RERE: variants seen among roughly 807,000 people sequenced by gnomAD.
RERE encodes the protein arginine-glutamic acid dipeptide repeats protein.
In RERE, 40 loss-of-function variants were observed where a neutral mutation model predicts 146.1. The observed-to-expected ratio is 0.27, with a 90% CI of 0.21 to 0.36. The LOEUF (loss-of-function observed/expected upper bound fraction) is 0.36. Among genes scored for constraint, RERE ranks in the 10% least tolerant of loss-of-function variants. The pLI, the probability that RERE is intolerant of heterozygous loss-of-function variation, is 1.00. For synonymous variants in RERE, 1,003 were observed against 866.0 expected (o/e 1.16, Z -2.78); for missense variants, 1,933 against 2,138.7 (o/e 0.90, Z 1.90).
At position 8,459,283 on chromosome 1, in the gene RERE, T is replaced by C. The variant is rs955372593; in HGVS notation, c.1203+6642A>G. On this transcript the variant is annotated intron_variant, in intron 11 of 22. Coordinates refer to ENST00000400908, the MANE Select transcript of RERE (RefSeq NM_001042681.2). Reference sequence around the variant, plus strand: ...TATAGGTCACATTAAGAATACATAATATGGAGTAATATGTACATACGTGTA... The same window carrying C: ...TATAGGTCACATTAAGAATACATAACATGGAGTAATATGTACATACGTGTA... Among the ~76,000 whole-genome samples, 29 of 152,334 alleles carry C rather than the reference T, an allele frequency of 1.9e-4. 1 individual carries two copies. The highest frequency in any genetic ancestry group is 7.0e-4 in the African/African-American group (29 of 41,580).
intron 12 of RERE, among the ~76,000 whole-genome samples, chr1:8,367,399 G>A (rs1641852733): frequency 6.6e-6 from 1 of 152,158 alleles, no homozygotes; most frequent in Admixed American, 6.5e-5. Flanking sequence ...GTAAGAAGTG[G>A]GACCACGGCT....
chr1:8,365,795 C>T lies in RERE; in HGVS notation c.1447+17G>A, dbSNP rs373817488. On this transcript the variant is annotated intron_variant, in intron 13 of 22. Coordinates refer to ENST00000400908, the MANE Select transcript of RERE (RefSeq NM_001042681.2). Reference sequence around the variant, plus strand: ...AGTCTCCCCTCCGCCCACTGTGATGCCAAGACCCCTACTCACAGAATTCAC... The same window carrying T: ...AGTCTCCCCTCCGCCCACTGTGATGTCAAGACCCCTACTCACAGAATTCAC... 29 of 1,613,510 alleles carry T rather than the reference C, an allele frequency of 1.8e-5. No individual in the cohort carries two copies. The highest frequency in any genetic ancestry group is 2.4e-5 in the Non-Finnish European group (28 of 1,179,604).
intron 1 of RERE, among the ~76,000 whole-genome samples, chr1:8,740,995 C>T (rs968964321): frequency 1.3e-5 from 2 of 152,188 alleles, no homozygotes; most frequent in African/African-American, 4.8e-5. Context: ...TCAAGTATTA[C>T]GTACTGTCCA....
intron 3 of RERE, among the ~76,000 whole-genome samples, chr1:8,617,565 A>T (rs1180127736): frequency 6.6e-6 from 1 of 152,200 alleles, no homozygotes; most frequent in African/African-American, 2.4e-5. Flanking sequence ...TATATGGTAC[A>T]AGCCAAGAAA....
At chr1:8,362,323 T>C (rs1158544388) in intron 16 of RERE, among the ~76,000 whole-genome samples, 4 of 152,200 alleles carry the variant, frequency 2.6e-5, no homozygotes, top group Admixed American at 2.6e-4. Context: ...TATATGAGAT[T>C]TGAGCACCTG....
chr1:8,374,275 A>T (rs1211561486), intron 12 of RERE, among the ~76,000 whole-genome samples: 1 of 152,166 alleles, frequency 6.6e-6, no homozygotes, highest in Non-Finnish European at 1.5e-5. Context: ...TGTGGCTTTA[A>T]CTTGTAAATA....
chr1:8,390,424 G>A lies in RERE; in HGVS notation c.1285-24450C>T, dbSNP rs1054845068. On this transcript the variant is annotated intron_variant, in intron 12 of 22. Transcript: ENST00000400908. The stretch of plus-strand genomic sequence containing the variant: ...TGCTCTTTTTGATCCTCTTCTCCAG[G>A]GTAGGCTCTTCCCCTGCCCACTAAT... Among the ~76,000 whole-genome samples, 16 of 152,222 alleles carry A rather than the reference G, an allele frequency of 1.1e-4. 1 individual carries two copies. The South Asian group carries it at 3.3e-3, about 32-fold the overall frequency.
At chr1:8,437,519 AAG>A (rs1644186941) in intron 11 of RERE, among the ~76,000 whole-genome samples, 1 of 151,834 alleles carries the variant, frequency 6.6e-6, no homozygotes, top group African/African-American at 2.4e-5. Flanking sequence ...TGTGACTTTC[AAG>A]AGAGTCCCCC....
intron 1 of RERE, among the ~76,000 whole-genome samples, chr1:8,772,351 A>T (rs923653557): frequency 1.3e-5 from 2 of 152,182 alleles, no homozygotes; most frequent in Admixed American, 6.6e-5. Context: ...CATCATTCTA[A>T]GTAAAATCTT....
intron 1 of RERE, among the ~76,000 whole-genome samples, chr1:8,687,223 G>A (rs1346263876): frequency 6.6e-6 from 1 of 152,058 alleles, no homozygotes; most frequent in Non-Finnish European, 1.5e-5. Flanking sequence ...TATGTGAGAG[G>A]GCACGGGTGG....
At chr1:8,408,117 C>A (rs912787796) in intron 12 of RERE, among the ~76,000 whole-genome samples, 1 of 151,980 alleles carries the variant, frequency 6.6e-6, no homozygotes, top group Admixed American at 6.5e-5. Flanking sequence ...CTCTCTCTGC[C>A]ACAAAAGCCT....
At chr1:8,461,396 C>G (rs1322571610) in intron 11 of RERE, among the ~76,000 whole-genome samples, 1 of 152,114 alleles carries the variant, frequency 6.6e-6, no homozygotes, top group Non-Finnish European at 1.5e-5. Context: ...CTTACCCATA[C>G]CTTGGTATTT....
intron 12 of RERE, among the ~76,000 whole-genome samples, chr1:8,386,357 C>T (rs1233518866): frequency 1.3e-5 from 2 of 151,048 alleles, no homozygotes; most frequent in East Asian, 4.0e-4. Context: ...AGATTCTTCC[C>T]ACATTGGGCA....
chr1:8,502,950 CGGAA>C (rs1645196314), intron 8 of RERE, among the ~76,000 whole-genome samples: 1 of 151,002 alleles, frequency 6.6e-6, no homozygotes, highest in Non-Finnish European at 1.5e-5. Context: ...ACAAACACTT[CGGAA>C]GGCCGCAGGG....
At chr1:8,366,851 C>T (rs1570057643) in intron 12 of RERE, among the ~76,000 whole-genome samples, 1 of 143,434 alleles carries the variant, frequency 7.0e-6, no homozygotes, top group Non-Finnish European at 1.5e-5. Flanking sequence ...TCACCCTACA[C>T]ACAAAAGACG....
intron 7 of RERE, among the ~76,000 whole-genome samples, chr1:8,518,369 T>C (rs532535008): frequency 3.3e-5 from 5 of 152,304 alleles, no homozygotes; most frequent in African/African-American, 1.2e-4. Context: ...GTGGCTGGCG[T>C]CATGTATGAA....
At chr1:8,658,521 G>A (rs972357928) in intron 1 of RERE, among the ~76,000 whole-genome samples, 4 of 152,096 alleles carry the variant, frequency 2.6e-5, no homozygotes, top group African/African-American at 9.7e-5. Context: ...ACTTTGGGAG[G>A]CCGAGGTGGG....
chr1:8,634,134 T>C (rs1392790269), intron 2 of RERE, among the ~76,000 whole-genome samples: 2 of 152,074 alleles, frequency 1.3e-5, no homozygotes, highest in Non-Finnish European at 2.9e-5. Context: ...ATAGACACAT[T>C]CAATCAAGAC....
At chr1:8,584,510 G>T (rs1473503958) in intron 4 of RERE, among the ~76,000 whole-genome samples, 5 of 152,190 alleles carry the variant, frequency 3.3e-5, no homozygotes, top group Non-Finnish European at 7.3e-5. Context: ...TCCTGCCACG[G>T]TATTCCAGCC....
Sources: allele counts gnomAD v4.1 joint callset (sites outside exome capture counted in the v4.1 genomes callset), GRCh38; gene constraint gnomAD v4.1.1; transcripts MANE v1.5; gene names NCBI Gene and HGNC (gene_info 2026-07-23, HGNC 2026-07-21).